Variants in PAM observed in about 807,000 individuals in gnomAD.
PAM encodes the protein peptidyl-glycine alpha-amidating monooxygenase.
In PAM, 72 loss-of-function variants were observed where a neutral mutation model predicts 122.1. The ratio of observed to expected loss-of-function variants is 0.59; its 90% CI spans 0.49 to 0.72. PAM has a LOEUF of 0.72. Among genes scored for constraint, PAM ranks in the 30% least tolerant of loss-of-function variants. The probability of loss-of-function intolerance (pLI) is 0.00; values close to 1 mark genes in which losing one functional copy is unlikely to be tolerated. For missense variants in PAM, 1,106 were observed against 1,183.7 expected (o/e 0.93, Z 0.96); for synonymous variants, 389 against 404.4 (o/e 0.96, Z 0.46).
At chr5:102,789,544 AC>A (rs1761498458) in intron 1 of PAM, among the ~76,000 whole-genome samples, 1 of 152,142 alleles carries the variant, frequency 6.6e-6, no homozygotes, top group Non-Finnish European at 1.5e-5. Context: ...ACACAAAAGG[AC>A]AAATGTGGTA....
At chr5:102,806,926 C>T (rs187030087) in intron 1 of PAM, among the ~76,000 whole-genome samples, 9 of 152,202 alleles carry the variant, frequency 5.9e-5, no homozygotes, top group East Asian at 1.9e-4. Flanking sequence ...TATTGTTATA[C>T]GTTTGCGCAC....
intron 15 of PAM, among the ~76,000 whole-genome samples, chr5:102,980,554 G>A (rs767767658): frequency 2.0e-5 from 3 of 152,026 alleles, no homozygotes; most frequent in South Asian, 2.1e-4. Context: ...TTCTCATGTC[G>A]TGATGAGCAG....
At chr5:103,000,922 G>A (rs899765025) in intron 16 of PAM, among the ~76,000 whole-genome samples, 1 of 152,008 alleles carries the variant, frequency 6.6e-6, no homozygotes, top group Non-Finnish European at 1.5e-5. Context: ...TGGAACTTAT[G>A]TAAAGTCTCA....
At chr5:102,911,108 T>A (rs866365712) in intron 4 of PAM, among the ~76,000 whole-genome samples, 61 of 152,096 alleles carry the variant, frequency 4.0e-4, no homozygotes, top group African/African-American at 1.4e-3. Flanking sequence ...CTACTGTTTG[T>A]TTTAGATTTA....
chr5:102,836,859 CGAGA>C (rs57617414), intron 1 of PAM, among the ~76,000 whole-genome samples: 2,708 of 120,724 alleles, frequency 0.022, 26 homozygotes, highest in African/African-American at 0.042. Flanking sequence ...AGAAAGAAAC[CGAGA>C]GAGAGAGAGA....
intron 3 of PAM, among the ~76,000 whole-genome samples, chr5:102,899,955 G>C (rs1319574241): frequency 6.6e-6 from 1 of 151,518 alleles, no homozygotes; most frequent in Non-Finnish European, 1.5e-5. Flanking sequence ...GTGTCGATTA[G>C]AACAAGGTGC....
chr5:102,958,467 A>G (rs1411771882), intron 12 of PAM, among the ~76,000 whole-genome samples: 2 of 152,192 alleles, frequency 1.3e-5, no homozygotes, highest in Admixed American at 6.5e-5. Context: ...CATTCCTTTT[A>G]TAGCACATAC....
chr5:102,980,233 A>G (rs1403255058), intron 15 of PAM, among the ~76,000 whole-genome samples: 1 of 152,154 alleles, frequency 6.6e-6, no homozygotes, highest in African/African-American at 2.4e-5. Flanking sequence ...TTTGTATTTA[A>G]TTTTTAGGCT....
At chr5:102,775,171 C>T (rs1158811913) in intron 1 of PAM, among the ~76,000 whole-genome samples, 3 of 151,730 alleles carry the variant, frequency 2.0e-5, no homozygotes, top group Non-Finnish European at 4.4e-5. Flanking sequence ...TTTTATTGTA[C>T]TTTAGATAAT....
intron 7 of PAM, among the ~76,000 whole-genome samples, chr5:102,935,026 C>T (rs1410091461): frequency 3.9e-5 from 6 of 152,088 alleles, no homozygotes; most frequent in Non-Finnish European, 7.4e-5. Flanking sequence ...CTCTTCTGAA[C>T]TTTATTTTTC....
intron 1 of PAM, among the ~76,000 whole-genome samples, chr5:102,825,453 C>T (rs1262381401): frequency 2.6e-5 from 4 of 152,030 alleles, no homozygotes; most frequent in Non-Finnish European, 5.9e-5. Flanking sequence ...TTACTGTGTG[C>T]GTATGTATAA....
At chr5:102,889,116 C>G (rs1430557741) in intron 3 of PAM, among the ~76,000 whole-genome samples, 1 of 151,926 alleles carries the variant, frequency 6.6e-6, no homozygotes, top group East Asian at 1.9e-4. Flanking sequence ...TGGATATTCT[C>G]CACTGGCCTC....
At chr5:102,991,757 C>T (rs552708255) in intron 16 of PAM, among the ~76,000 whole-genome samples, 4 of 152,234 alleles carry the variant, frequency 2.6e-5, no homozygotes, top group South Asian at 4.1e-4. Context: ...CTCATTCATA[C>T]GCCTCTGTTG....
At chr5:102,954,864 C>G (rs570153121) in intron 12 of PAM, among the ~76,000 whole-genome samples, 1 of 152,122 alleles carries the variant, frequency 6.6e-6, no homozygotes, top group East Asian at 1.9e-4. Flanking sequence ...TTGGTCATAC[C>G]TTTCATTTGG....
intron 3 of PAM, chr5:102,895,978 C>T (rs899195825): frequency 1.2e-4 from 18 of 151,636 alleles, no homozygotes; most frequent in African/African-American, 4.4e-4. Flanking sequence ...TAATGGAGAT[C>T]GTCAGCACTC....
intron 16 of PAM, among the ~76,000 whole-genome samples, chr5:102,997,529 C>T (rs1776113739): frequency 6.6e-6 from 1 of 151,950 alleles, no homozygotes; most frequent in Non-Finnish European, 1.5e-5. Flanking sequence ...AAAAAAATTA[C>T]TCTGATTTAC....
At position 103,025,308 on chromosome 5, in the gene PAM, G is replaced by A. The variant is rs376124243; in HGVS notation, c.2663G>A (p.Arg888Gln). The change falls in exon 24 of 26, where the codon CGG (arginine) becomes CAG (glutamine). Residue 888 changes from arginine (R) to glutamine (Q), a missense_variant. Arg to Gln is a conservative substitution (Grantham distance 43). Around this residue, in one of 3 missense-constraint regions of PAM, gnomAD observed 333 missense variants for 335.6 expected, o/e 0.99. Transcript: ENST00000438793. ...CTGCTGGCCATTGCCATATTTATTCGGTGGAAAAAATCAAGGGCCTTTGGA... is the reference window on the plus strand; with the variant it reads ...CTGCTGGCCATTGCCATATTTATTCAGTGGAAAAAATCAAGGGCCTTTGGA... ...VVLLAIAIFI[R>Q]WKKSRAFGDS... 35 of 1,613,364 alleles carry A rather than the reference G, an allele frequency of 2.2e-5. No homozygotes were observed. In the African/African-American group the frequency reaches 2.3e-4, roughly 10 times the overall value.
rs1011263222 is a variant in PAM, at chr5:102,855,992, C to CT, written c.-373-9824dup. ...TCAGTGGGTCAATCTATGATTCACA[C>CT]TTTTTTTGAAAAAAACATCCAAGAT... On this transcript the variant is annotated intron_variant, in intron 1 of 25. Transcript: ENST00000438793. Among the ~76,000 whole-genome samples, 12 of 152,070 alleles carry CT rather than the reference C, an allele frequency of 7.9e-5. No homozygotes were observed. In the East Asian group the frequency reaches 1.7e-3, roughly 22 times the overall value.
chr5:102,927,160 G>T (rs1044547333), intron 7 of PAM, among the ~76,000 whole-genome samples: 1 of 151,988 alleles, frequency 6.6e-6, no homozygotes, highest in Non-Finnish European at 1.5e-5. Flanking sequence ...CTGCTGTAAG[G>T]CACAGACCCC....
Sources: allele counts gnomAD v4.1 joint callset (sites outside exome capture counted in the v4.1 genomes callset), GRCh38; gene constraint gnomAD v4.1.1; regional missense constraint gnomAD v4.1.1; transcripts MANE v1.5; gene names NCBI Gene and HGNC (gene_info 2026-07-23, HGNC 2026-07-21).